ANKRD44: variants seen among roughly 807,000 people sequenced by gnomAD.
The protein encoded by ANKRD44 is ankyrin repeat domain 44.
ANKRD44 carries 35 observed loss-of-function variants against 116.0 expected under a neutral mutation model. The observed-to-expected ratio is 0.30, with a 90% CI of 0.23 to 0.40. The LOEUF (loss-of-function observed/expected upper bound fraction) is 0.40. ANKRD44 is among the 10% of genes least tolerant of loss of function. The probability of loss-of-function intolerance (pLI) is 1.00; values close to 1 mark genes in which losing one functional copy is unlikely to be tolerated. For synonymous variants in ANKRD44, 435 were observed against 461.8 expected, an observed-to-expected ratio of 0.94 and a Z score of 0.74; for missense variants, 1,014 against 1,242.6, an observed-to-expected ratio of 0.82 and a Z score of 2.77.
intron 10 of ANKRD44, among the ~76,000 whole-genome samples, chr2:197,098,829 G>A (rs1206893875): frequency 6.6e-6 from 1 of 152,058 alleles, no homozygotes; most frequent in African/African-American, 2.4e-5. Flanking sequence ...TTTCCAATTA[G>A]GCAAGGGGCT....
intron 27 of ANKRD44, 43 bp downstream of exon 27, chr2:196,993,539 CT>C (rs776614625): frequency 1.5e-5 from 22 of 1,468,856 alleles, no homozygotes; most frequent in Non-Finnish European, 2.0e-5. Flanking sequence ...CTTCAACTAG[CT>C]TATGGAAGGT....
intron 16 of ANKRD44, among the ~76,000 whole-genome samples, chr2:197,072,046 AGAAG>A (rs60306279): frequency 0.16 from 17,347 of 110,882 alleles, 1,258 homozygotes; most frequent in Middle Eastern, 0.23. Flanking sequence ...GAGGGAGGAA[AGAAG>A]GAAGGAAGGA....
chr2:197,118,617 G>GAAAGAT (rs57119522), intron 8 of ANKRD44, among the ~76,000 whole-genome samples: 1 of 105,722 alleles, frequency 9.5e-6, no homozygotes, highest in Non-Finnish European at 1.9e-5. Context: ...GAGAAAGAAA[G>GAAAGAT]AGAGAGAGAG....
intron 15 of ANKRD44, 102 bp downstream of exon 15, chr2:197,081,543 C>G (rs1310253311): frequency 9.8e-7 from 1 of 1,016,428 alleles, no homozygotes; most frequent in African/African-American, 1.6e-5. Flanking sequence ...CTCAAGATCC[C>G]AAGTGAAACC....
intron 15 of ANKRD44, among the ~76,000 whole-genome samples, 183 bp from the exon 16 acceptor site, chr2:197,078,997 G>GTGTGTA (rs2077735274): frequency 1.3e-5 from 2 of 151,820 alleles, no homozygotes; most frequent in Non-Finnish European, 2.9e-5. Flanking sequence ...GTGTGTGTGT[G>GTGTGTA]TATGTTTTCT....
chr2:197,233,064 G>T (rs149465801), intron 1 of ANKRD44, among the ~76,000 whole-genome samples: 3 of 152,130 alleles, frequency 2.0e-5, no homozygotes, highest in Non-Finnish European at 2.9e-5. Flanking sequence ...ATTCTACTCC[G>T]GGGAAGCTCT....
At chr2:196,992,186 T>G (rs1168050059) in intron 27 of ANKRD44, among the ~76,000 whole-genome samples, 7 of 152,226 alleles carry the variant, frequency 4.6e-5, no homozygotes, top group Non-Finnish European at 1.0e-4. Flanking sequence ...GTAGGGCACT[T>G]GCTCAGTAAT....
intron 1 of ANKRD44, among the ~76,000 whole-genome samples, chr2:197,285,282 C>T (rs2083377942): frequency 6.6e-6 from 1 of 152,072 alleles, no homozygotes; most frequent in Non-Finnish European, 1.5e-5. Context: ...GGGGATGGGG[C>T]AGCCAAGAGT....
intron 1 of ANKRD44, among the ~76,000 whole-genome samples, chr2:197,239,868 C>G (rs578258295): frequency 1.8e-4 from 27 of 152,204 alleles, no homozygotes; most frequent in Admixed American, 8.5e-4. Flanking sequence ...AGGTGAACAC[C>G]TATGTAAAAA....
In ANKRD44 at chr2:197,066,968, G is replaced by A. The variant is rs373737040; in HGVS notation, c.1650+11735C>T. Among the ~76,000 whole-genome samples, 553 of 152,170 alleles carry A rather than the reference G, an allele frequency of 3.6e-3. 5 individuals carry two copies. The highest frequency in any genetic ancestry group is 0.013 in the African/African-American group (533 of 41,522). ...CACATGGAACCAAAAAAGAGCCCGC[G>A]TTGCCAAGACAATCCTAAGCCAAAA... is the stretch of plus-strand genomic sequence containing the variant. On this transcript the variant is annotated intron_variant, in intron 16 of 27. Transcript: ENST00000282272.
At chr2:197,164,515 C>T (rs1021079813) in intron 2 of ANKRD44, among the ~76,000 whole-genome samples, 2 of 152,212 alleles carry the variant, frequency 1.3e-5, no homozygotes, top group African/African-American at 4.8e-5. Flanking sequence ...CTTCCCCCAC[C>T]GCAGCGGCTC....
chr2:197,051,364 G>A (rs2125011936), intron 16 of ANKRD44, among the ~76,000 whole-genome samples: 1 of 152,198 alleles, frequency 6.6e-6, no homozygotes, highest in South Asian at 2.1e-4. Context: ...GGAGGTACCA[G>A]CTTGGTTAAA....
intron 16 of ANKRD44, among the ~76,000 whole-genome samples, chr2:197,049,971 A>G (rs1436737309): frequency 6.6e-6 from 1 of 152,168 alleles, no homozygotes; most frequent in Non-Finnish European, 1.5e-5. Flanking sequence ...ATCAAGAAAT[A>G]CCTAAGACTG....
chr2:197,134,110 T>G (rs2079163354), intron 4 of ANKRD44: 1 of 152,048 alleles, frequency 6.6e-6, no homozygotes, highest in Non-Finnish European at 1.5e-5. Flanking sequence ...TGCGCCACCA[T>G]GCCCAGCTAA....
chr2:197,040,120 T>A (rs2076882517), intron 16 of ANKRD44, among the ~76,000 whole-genome samples: 1 of 151,906 alleles, frequency 6.6e-6, no homozygotes, highest in African/African-American at 2.4e-5. Flanking sequence ...GCACCTATAG[T>A]CTCAGCTACT....
intron 16 of ANKRD44, among the ~76,000 whole-genome samples, chr2:197,064,945 A>G (rs537164579): frequency 1.3e-5 from 2 of 152,326 alleles, no homozygotes; most frequent in Non-Finnish European, 2.9e-5. Flanking sequence ...GCTCTGCACC[A>G]AGCAGACCTA....
At chr2:197,234,480 C>A (rs886325328) in intron 1 of ANKRD44, among the ~76,000 whole-genome samples, 4 of 152,260 alleles carry the variant, frequency 2.6e-5, no homozygotes, top group African/African-American at 9.6e-5. Context: ...GCGTGAGCCA[C>A]CACGCCCAGC....
downstream of ANKRD44, chr2:196,986,655 A>G (rs910768805): frequency 3.1e-6 from 3 of 956,900 alleles, no homozygotes; most frequent in Non-Finnish European, 3.7e-6. Flanking sequence ...AAAAATTAAA[A>G]CACAAATTCC....
intron 9 of ANKRD44, among the ~76,000 whole-genome samples, chr2:197,100,159 G>A (rs1045305889): frequency 4.6e-5 from 7 of 152,194 alleles, no homozygotes; most frequent in African/African-American, 1.2e-4. Flanking sequence ...TTTTGAGGCC[G>A]GGCGTGGTGG....
Sources: gnomAD v4.1 joint callset for allele counts (sites outside exome capture counted in the v4.1 genomes callset) on GRCh38, gnomAD v4.1.1 for gene constraint, MANE v1.5 for transcripts, NCBI Gene and HGNC (gene_info 2026-07-23, HGNC 2026-07-21) for gene names.